Variants in CLK3 observed in about 807,000 individuals in gnomAD.
CLK3 encodes CDC like kinase 3, also known as dual specificity protein kinase CLK3.
Under a neutral mutation model 65.2 loss-of-function variants are expected in CLK3, and 24 were observed. The ratio of observed to expected loss-of-function variants is 0.37; its 90% CI spans 0.27 to 0.52. The LOEUF (loss-of-function observed/expected upper bound fraction) is 0.52, where lower values mean the gene tolerates loss of function less well. CLK3 is among the 20% of genes least tolerant of loss of function. CLK3 has a pLI of 0.92. For missense variants in CLK3, 506 were observed against 660.0 expected, an observed-to-expected ratio of 0.77 and a Z score of 2.56; for synonymous variants, 252 against 240.8, an observed-to-expected ratio of 1.05 and a Z score of -0.43.
upstream of CLK3, among the ~76,000 whole-genome samples, chr15:74,614,149 G>A (rs1009684135): frequency 1.3e-5 from 2 of 152,142 alleles, no homozygotes; most frequent in African/African-American, 4.8e-5. Flanking sequence ...GAGCATCTGG[G>A]ACTACAGGCG....
chr15:74,616,240 G>A (rs2062058912), intron 1 of CLK3, among the ~76,000 whole-genome samples: 1 of 152,260 alleles, frequency 6.6e-6, no homozygotes, highest in Non-Finnish European at 1.5e-5. Context: ...CCCTACCCCT[G>A]GCTTCAGGCT....
chr15:74,622,043 C>G lies in CLK3; in HGVS notation c.370-77C>G. 1.4e-6 allele frequency: 2 copies of G among 1,387,938 alleles called. No individual in the cohort carries two copies. Among genetic ancestry groups the G allele is most frequent in the Non-Finnish European group, 2.0e-6 (2 of 977,268 alleles). The allele number at this position is 1,387,938 out of a possible 1,614,324, so 86.0% of individuals were successfully genotyped here. ...TCACCGTCTCCACCTCTGCCTTTGA[C>G]TGACACCTCAATCTGTCAATCGGAA... is the stretch of plus-strand genomic sequence containing the variant. On this transcript the variant is annotated intron_variant, in intron 3 of 12. Transcript: ENST00000395066. The surrounding 1 kb of genome is among the most constrained non-coding windows in gnomAD (Gnocchi z 4.6).
chr15:74,622,588 C>T lies in CLK3; in HGVS notation c.533+28C>T. ...GAGCGAGCTGCGGCAGTACAGCTGG[C>T]TCCGGATGTGATCTTCCTGGGAAGA... On this transcript the variant is annotated intron_variant, in intron 5 of 12. Transcript: ENST00000395066. This position sits in a 1 kb window ranked among gnomAD's most constrained non-coding sequence, Gnocchi z 4.6. 2 of 1,569,240 alleles carry T rather than the reference C, an allele frequency of 1.3e-6. No homozygotes were observed. The highest frequency in any genetic ancestry group is 1.7e-6 in the Non-Finnish European group (2 of 1,153,126).
intron 6 of CLK3, 66 bp from the exon 7 acceptor site, chr15:74,625,736 T>C: frequency 6.4e-7 from 1 of 1,573,888 alleles, no homozygotes; most frequent in South Asian, 1.1e-5. Context: ...ACTGTCTTCA[T>C]CTGAGAGAGG....
rs2062114693 is a variant in CLK3 at position 74,622,890 on chromosome 15, C to T, written c.533+330C>T. ...CCGGCTCCCCTGTGGCTTGGAGCTG[C>T]TTCCTGTGATAACTTTTAGGTTCTT... is the stretch of plus-strand genomic sequence containing the variant. On this transcript the variant is annotated intron_variant, in intron 5 of 12. Transcript: ENST00000395066. This position sits in a 1 kb window ranked among gnomAD's most constrained non-coding sequence, Gnocchi z 4.6. Among the ~76,000 whole-genome samples, 1 of 152,168 alleles carries T rather than the reference C, an allele frequency of 6.6e-6. No individual in the cohort carries two copies. Among genetic ancestry groups the T allele is most frequent in the Non-Finnish European group, 1.5e-5 (1 of 68,022 alleles).
chr15:74,618,122 A>G (rs1487963466), intron 1 of CLK3, among the ~76,000 whole-genome samples: 1 of 152,168 alleles, frequency 6.6e-6, no homozygotes, highest in Non-Finnish European at 1.5e-5. Flanking sequence ...GGGTTTGTAC[A>G]AAATGTGCTT....
chr15:74,623,305 A>T (rs1303055450), intron 5 of CLK3, among the ~76,000 whole-genome samples: 1 of 152,224 alleles, frequency 6.6e-6, no homozygotes, highest in African/African-American at 2.4e-5. Flanking sequence ...CTTCAGCTAC[A>T]AAGTGCTTGT....
At chr15:74,616,812 C>A (rs112343966) in intron 1 of CLK3, among the ~76,000 whole-genome samples, 1 of 152,198 alleles carries the variant, frequency 6.6e-6, no homozygotes, top group African/African-American at 2.4e-5. Context: ...TCTAGTCAGC[C>A]CAGTTCTCTG....
upstream of CLK3, chr15:74,615,805 G>C: frequency 1.2e-5 from 15 of 1,245,510 alleles, no homozygotes; most frequent in Non-Finnish European, 1.5e-5. Context: ...CACGCGAGGG[G>C]GCGGGGCTGC....
chr15:74,629,410 C>T (rs2062174654), intron 12 of CLK3: 1 of 538,228 alleles, frequency 1.9e-6, no homozygotes, highest in Non-Finnish European at 3.4e-6. Flanking sequence ...GCATTTGGTG[C>T]TCGGACAAGT....
chr15:74,628,748 G>C, intron 11 of CLK3, 65 bp downstream of exon 11: 1 of 1,359,422 alleles, frequency 7.4e-7, no homozygotes, highest in Middle Eastern at 1.8e-4. Context: ...CTGTGGGTCA[G>C]CAGGGTACTG....
In CLK3 at chr15:74,622,471, G is replaced by A; in HGVS notation, c.467-23G>A. 1.3e-6 allele frequency: 2 copies of A among 1,587,508 alleles called. No individual in the cohort carries two copies. Among genetic ancestry groups the A allele is most frequent in the Non-Finnish European group, 1.7e-6 (2 of 1,166,754 alleles). On this transcript the variant is annotated intron_variant, in intron 4 of 12. Transcript: ENST00000395066. The surrounding 1 kb of genome is among the most constrained non-coding windows in gnomAD (Gnocchi z 4.6). The stretch of plus-strand genomic sequence containing the variant: ...AACCCCCTGCCCTCCAGATTCTCAT[G>A]CCCAATTTCTTTTCTCTCCTAGATG...
At position 74,629,733 on chromosome 15, in the gene CLK3, G is replaced by A. The variant is rs766559727; in HGVS notation, c.1323G>A (p.Glu441=). 3.7e-6 allele frequency: 6 copies of A among 1,613,320 alleles called. No individual in the cohort carries two copies. Among genetic ancestry groups the A allele is most frequent in the Non-Finnish European group, 5.1e-6 (6 of 1,179,648 alleles). ...GTTACATGCTCCAAGACTCCCTGGA[G>A]CACGTGCAGCTGTTTGACCTGATGA... The part of the protein sequence containing the change: ...LKSYMLQDSL[E]HVQLFDLMRR... The change falls in exon 13 of 13, where the codon GAG becomes GAA. Residue 441 remains glutamate, a synonymous_variant. Coordinates refer to ENST00000395066, the MANE Select transcript of CLK3 (RefSeq NM_001130028.2).
chr15:74,616,357 A>G (rs941182617), intron 1 of CLK3, among the ~76,000 whole-genome samples: 2 of 152,188 alleles, frequency 1.3e-5, no homozygotes, highest in Non-Finnish European at 2.9e-5. Context: ...TGGCGGTTAC[A>G]GGGGATGGGA....
At chr15:74,625,714 A>C in intron 6 of CLK3, 88 bp from the exon 7 acceptor site, 5 of 1,433,972 alleles carry the variant, frequency 3.5e-6, no homozygotes, top group Non-Finnish European at 4.9e-6. Flanking sequence ...GTGGCCTAGG[A>C]GAGAGTTGGG....
At chr15:74,628,756 C>G (rs1567145800) in intron 11 of CLK3, 73 bp downstream of exon 11, 2 of 1,311,114 alleles carry the variant, frequency 1.5e-6, no homozygotes, top group Non-Finnish European at 2.1e-6. Flanking sequence ...CAGCAGGGTA[C>G]TGGATGTGGT....
chr15:74,624,540 C>CGT lies in CLK3; in HGVS notation c.534-362_534-361insGT. ...AGGGTTCTCGGTGGGACAGCCTGGC[C>CGT]AGGGTTGGGGCTGCCTGGCCTATAG... On this transcript the variant is annotated intron_variant, in intron 5 of 12. Coordinates refer to ENST00000395066, the MANE Select transcript of CLK3 (RefSeq NM_001130028.2). The surrounding 1 kb of genome is among the most constrained non-coding windows in gnomAD (Gnocchi z 4.2). 5.1e-6 allele frequency: 1 copy of CGT among 197,734 alleles called. No homozygotes were observed. The highest frequency in any genetic ancestry group is 1.6e-4 in the South Asian group (1 of 6,092). 12.2% of individuals were successfully genotyped at this position (197,734 alleles called of 1,614,324 possible).
In CLK3 at chr15:74,620,250, G is replaced by C. The variant is rs752769035; in HGVS notation, c.369+25G>C. ...GGTGAGTGGTAGCCAGAGTGTGCTG[G>C]CTGGGGCTTAAAGGCCTCATCTCTT... On this transcript the variant is annotated intron_variant, in intron 3 of 12. Transcript: ENST00000395066. 10 of 1,612,734 alleles carry C rather than the reference G, an allele frequency of 6.2e-6. No individual in the cohort carries two copies. In the South Asian group the frequency reaches 1.1e-4, roughly 18 times the overall value.
chr15:74,615,333 G>T, upstream of CLK3: 1 of 969,114 alleles, frequency 1.0e-6, no homozygotes, highest in Non-Finnish European at 1.3e-6. Context: ...CAAAAAACCC[G>T]CACACACCAA....
Sources: gnomAD v4.1 joint callset for allele counts (sites outside exome capture counted in the v4.1 genomes callset) on GRCh38, gnomAD v4.1.1 for gene constraint, Gnocchi (gnomAD v3.1) non-coding constraint, MANE v1.5 for transcripts, NCBI Gene and HGNC (gene_info 2026-07-23, HGNC 2026-07-21) for gene names.